The following PHACTR3 variants were observed in gnomAD, a reference collection of about 807,000 sequenced individuals.
The protein encoded by PHACTR3 is protein phosphatase 1, regulatory subunit 123.
Under a neutral mutation model 66.8 loss-of-function variants are expected in PHACTR3, and 16 were observed. The observed-to-expected ratio is 0.24, with a 90% CI of 0.16 to 0.36. The LOEUF is 0.36. Ranked by LOEUF, PHACTR3 falls within the 10% of genes least tolerant of loss-of-function variation. The pLI, the probability that PHACTR3 is intolerant of heterozygous loss-of-function variation, is 1.00. For missense variants in PHACTR3, 647 were observed against 719.9 expected, an observed-to-expected ratio of 0.90 and a Z score of 1.16; for synonymous variants, 323 against 292.1, an observed-to-expected ratio of 1.11 and a Z score of -1.08.
At chr20:59,831,832 G>A (rs1249980428) in intron 8 of PHACTR3, among the ~76,000 whole-genome samples, 4 of 152,202 alleles carry the variant, frequency 2.6e-5, no homozygotes. Context: ...CTCGACACAG[G>A]CTGCTCCCCT....
At chr20:59,673,513 T>G (rs1002372585) in intron 1 of PHACTR3, among the ~76,000 whole-genome samples, 1 of 151,828 alleles carries the variant, frequency 6.6e-6, no homozygotes, top group Non-Finnish European at 1.5e-5. Flanking sequence ...GCTCACAGCC[T>G]GGGCTTCTGG....
chr20:59,676,484 G>C (rs571297563), intron 1 of PHACTR3, among the ~76,000 whole-genome samples: 2 of 149,280 alleles, frequency 1.3e-5, no homozygotes, highest in South Asian at 4.2e-4. Context: ...TCTGCTTCCT[G>C]CAACATCTAT....
rs780392405 is a variant in PHACTR3 at position 59,773,383 on chromosome 20, C to T, written c.856C>T (p.Arg286Trp). The T allele has an allele frequency of 8.1e-6, 13 of 1,614,028 alleles. No individual in the cohort carries two copies. The highest frequency in any genetic ancestry group is 4.4e-5 in the South Asian group (4 of 91,080). Residue 286 changes from arginine to tryptophan, a missense_variant, in exon 6 of 13, where the codon CGG becomes TGG. This residue lies in a region of PHACTR3 where 577 missense variants were observed against 571.1 expected (regional missense o/e 1.01). Coordinates refer to ENST00000371015, the MANE Select transcript of PHACTR3 (RefSeq NM_080672.5). ...GTCTCCGCATCTCACCACGGTCCAC[C>T]GGCCTCTTCCCCCAAGCCGCGTCAT... ...TGSPHLTTVHRPLPPSRVIEE... is the reference protein window; with the variant it reads ...TGSPHLTTVHWPLPPSRVIEE...
intron 7 of PHACTR3, among the ~76,000 whole-genome samples, chr20:59,783,213 C>A (rs7272269): frequency 0.026 from 3,944 of 152,228 alleles, 149 homozygotes; most frequent in African/African-American, 0.081. Context: ...CTGTGGAAAC[C>A]CAGCCACTCC....
chr20:59,594,761 T>G (rs1415642123), intron 1 of PHACTR3, among the ~76,000 whole-genome samples: 1 of 152,202 alleles, frequency 6.6e-6, no homozygotes, highest in Non-Finnish European at 1.5e-5. Context: ...TTGATTTTCT[T>G]TATTGATTTT....
Position 59,778,748 on chromosome 20 carries a change from G to A in PHACTR3, c.1174+4258G>A, listed in dbSNP as rs1052301188. Among the ~76,000 whole-genome samples, 19 of 152,318 alleles carry A rather than the reference G, an allele frequency of 1.2e-4. 1 individual carries two copies. The highest frequency in any genetic ancestry group is 1.0e-3 in the Admixed American group (16 of 15,308). On this transcript the variant is annotated intron_variant, in intron 7 of 12. Transcript: ENST00000371015. Reference sequence around the variant, plus strand: ...TGGGGGATTAGAGAAGCCAGTGCCTGTAAAGTACTAACAGGTGCCAGGTCC... The same window carrying A: ...TGGGGGATTAGAGAAGCCAGTGCCTATAAAGTACTAACAGGTGCCAGGTCC...
At chr20:59,715,372 G>C (rs2038057228) in intron 1 of PHACTR3, among the ~76,000 whole-genome samples, 1 of 152,126 alleles carries the variant, frequency 6.6e-6, no homozygotes, top group South Asian at 2.1e-4. Context: ...CTCTGTATTT[G>C]TGGAAGTGAT....
chr20:59,733,731 C>T (rs2038848446), intron 1 of PHACTR3, among the ~76,000 whole-genome samples: 1 of 152,136 alleles, frequency 6.6e-6, no homozygotes, highest in Non-Finnish European at 1.5e-5. Flanking sequence ...ATCTGTGTGC[C>T]TCCATTGTCC....
chr20:59,722,758 G>T (rs769908757), intron 1 of PHACTR3, among the ~76,000 whole-genome samples: 7 of 152,114 alleles, frequency 4.6e-5, no homozygotes, highest in Non-Finnish European at 8.8e-5. Context: ...GGCGGAAGAG[G>T]AGCCCTCAGG....
At chr20:59,682,020 A>G (rs912842707) in intron 1 of PHACTR3, among the ~76,000 whole-genome samples, 19 of 151,682 alleles carry the variant, frequency 1.3e-4, no homozygotes, top group East Asian at 3.9e-4. Context: ...CAAAAAAAAA[A>G]AAAGAAAGAA....
At chr20:59,705,937 G>A (rs555595878) in intron 1 of PHACTR3, among the ~76,000 whole-genome samples, 16 of 152,316 alleles carry the variant, frequency 1.1e-4, no homozygotes, top group African/African-American at 3.6e-4. Flanking sequence ...GCCAAGTGGT[G>A]GATGAAGACT....
intron 12 of PHACTR3, among the ~76,000 whole-genome samples, chr20:59,846,292 A>G (rs780814263): frequency 2.6e-5 from 4 of 152,188 alleles, no homozygotes; most frequent in Non-Finnish European, 5.9e-5. Context: ...ACTAAGTACA[A>G]TGGAATTCCA....
At chr20:59,657,477 T>C (rs1414671018) in intron 1 of PHACTR3, among the ~76,000 whole-genome samples, 1 of 152,150 alleles carries the variant, frequency 6.6e-6, no homozygotes, top group Non-Finnish European at 1.5e-5. Flanking sequence ...TTTTCTTATA[T>C]GGCAGATCTT....
chr20:59,718,107 T>C (rs896448982), intron 1 of PHACTR3, among the ~76,000 whole-genome samples: 4 of 152,238 alleles, frequency 2.6e-5, no homozygotes, highest in Non-Finnish European at 4.4e-5. Context: ...TTTCTGTCTT[T>C]CTTCCCCAAA....
rs112840239 is a variant in PHACTR3 at position 59,624,846 on chromosome 20, A to C, written c.118+19714A>C. Among the ~76,000 whole-genome samples the C allele has an allele frequency of 7.8e-3, 1,189 of 152,124 alleles. 24 individuals are homozygous for C. The highest frequency in any genetic ancestry group is 0.027 in the African/African-American group (1,114 of 41,492). On this transcript the variant is annotated intron_variant, in intron 1 of 12. Coordinates refer to ENST00000371015, the MANE Select transcript of PHACTR3 (RefSeq NM_080672.5). ...TAAACCTGCACCCTGGTTCCCTTTC[A>C]CTCTTATAGTAGATTTGTATCACTA...
At chr20:59,797,522 T>C (rs1033759350) in intron 7 of PHACTR3, among the ~76,000 whole-genome samples, 1 of 152,164 alleles carries the variant, frequency 6.6e-6, no homozygotes, top group Non-Finnish European at 1.5e-5. Flanking sequence ...ACCTAGGGTG[T>C]CAGTAGGGTA....
intron 7 of PHACTR3, among the ~76,000 whole-genome samples, chr20:59,801,387 G>T (rs956258499): frequency 2.0e-5 from 3 of 152,222 alleles, no homozygotes; most frequent in African/African-American, 7.2e-5. Context: ...TGTGTTTGAG[G>T]TTTGAGTGAG....
At position 59,605,059 on chromosome 20, in the gene PHACTR3, C is replaced by T; in HGVS notation, c.45C>T (p.Gly15=). ...GGAGCGGCTGCCTCGTGTCGCGGGG[C>T]CGCTCGCAGAGTGACCCCAGCGTCC... is the stretch of plus-strand genomic sequence containing the variant. ...EDGSGCLVSR[G]RSQSDPSVLT... The change falls in exon 1 of 13, where the codon GGC becomes GGT. Residue 15 remains glycine, a synonymous_variant. Coordinates refer to ENST00000371015, the MANE Select transcript of PHACTR3 (RefSeq NM_080672.5). 7.1e-7 allele frequency: 1 copy of T among 1,402,114 alleles called. No homozygotes were observed. The highest frequency in any genetic ancestry group is 1.6e-5 in the South Asian group (1 of 63,120). The allele number at this position is 1,402,114 out of a possible 1,614,324, so 86.9% of individuals were successfully genotyped here.
intron 7 of PHACTR3, among the ~76,000 whole-genome samples, chr20:59,785,571 G>T (rs75375622): frequency 2.0e-5 from 3 of 152,172 alleles, no homozygotes; most frequent in East Asian, 1.9e-4. Flanking sequence ...AAGAGAAAGC[G>T]CAGAGGGGAG....
Sources: gnomAD v4.1 joint callset for allele counts (sites outside exome capture counted in the v4.1 genomes callset) on GRCh38, gnomAD v4.1.1 for gene constraint, gnomAD v4.1.1 regional missense constraint, MANE v1.5 for transcripts, NCBI Gene and HGNC (gene_info 2026-07-23, HGNC 2026-07-21) for gene names.